CACUL1: variants seen among roughly 807,000 people sequenced by gnomAD.
The protein encoded by CACUL1 is CDK2-associated and cullin domain-containing protein 1.
CACUL1 carries 13 observed loss-of-function variants against 45.2 expected under a neutral mutation model. That is an observed-to-expected ratio of 0.29 (90% CI 0.19 to 0.46). The LOEUF is 0.46. CACUL1 is among the 20% of genes least tolerant of loss of function. The probability of loss-of-function intolerance (pLI) is 1.00; values close to 1 mark genes in which losing one functional copy is unlikely to be tolerated. For synonymous variants in CACUL1, 197 were observed against 174.2 expected, an observed-to-expected ratio of 1.13 and a Z score of -1.03; for missense variants, 421 against 471.4, an observed-to-expected ratio of 0.89 and a Z score of 0.99.
rs1032121712 is a variant in CACUL1 at position 118,718,668 on chromosome 10, C to T, written c.597+10627G>A. Reference sequence around the variant, plus strand: ...TCGGCTCACTGCAAGCTCCACCTCCCGGGTTCACGACTTTCTCCTGCCTCA... The same window carrying T: ...TCGGCTCACTGCAAGCTCCACCTCCTGGGTTCACGACTTTCTCCTGCCTCA... On this transcript the variant is annotated intron_variant, in intron 3 of 8. Coordinates refer to ENST00000369151, the MANE Select transcript of CACUL1 (RefSeq NM_153810.5). 1.3e-4 allele frequency among the ~76,000 whole-genome samples: 20 copies of T among 152,168 alleles called. 1 individual carries two copies. Among genetic ancestry groups the T allele is most frequent in the Admixed American group, 4.6e-4 (7 of 15,280 alleles).
At chr10:118,747,976 T>C (rs1482081178) in intron 1 of CACUL1, among the ~76,000 whole-genome samples, 1 of 151,996 alleles carries the variant, frequency 6.6e-6, no homozygotes, top group East Asian at 1.9e-4. Context: ...TCCCAGCTGC[T>C]CGGGAGGCTG....
intron 3 of CACUL1, among the ~76,000 whole-genome samples, chr10:118,722,603 C>A (rs1433306537): frequency 6.6e-6 from 1 of 152,144 alleles, no homozygotes; most frequent in Non-Finnish European, 1.5e-5. Flanking sequence ...TCAAACAACC[C>A]TTACTTTACT....
At chr10:118,696,222 C>A (rs1845320729) in intron 5 of CACUL1, among the ~76,000 whole-genome samples, 1 of 152,130 alleles carries the variant, frequency 6.6e-6, no homozygotes, top group Non-Finnish European at 1.5e-5. Context: ...ATGGCACAGA[C>A]CACCAGGGGT....
At chr10:118,730,663 C>T (rs1564836765) in intron 1 of CACUL1, among the ~76,000 whole-genome samples, 2 of 152,180 alleles carry the variant, frequency 1.3e-5, no homozygotes, top group South Asian at 2.1e-4. Context: ...ACCAAACAAG[C>T]AATCATCACT....
chr10:118,691,226 G>A (rs1845262306), intron 7 of CACUL1, 39 bp downstream of exon 7: 1 of 1,577,198 alleles, frequency 6.3e-7, no homozygotes, highest in African/African-American at 1.4e-5. Flanking sequence ...CTAGGGAAAT[G>A]GACATATTTG....
chr10:118,724,781 T>C (rs556760684), intron 3 of CACUL1, among the ~76,000 whole-genome samples: 3 of 152,238 alleles, frequency 2.0e-5, no homozygotes, highest in African/African-American at 7.2e-5. Context: ...TAGTATTCCA[T>C]CCACCTTAAC....
Position 118,729,948 on chromosome 10 carries a change from G to A in CACUL1, c.494+336C>T, listed in dbSNP as rs139629940. ...AATAACCAAAGAGAGTTAGAATTGT[G>A]TGTCAATAAACACCAACAGATTAAG... On this transcript the variant is annotated intron_variant, in intron 2 of 8. Coordinates refer to ENST00000369151, the MANE Select transcript of CACUL1 (RefSeq NM_153810.5). Among the ~76,000 whole-genome samples the A allele has an allele frequency of 1.4e-3, 207 of 152,274 alleles. 1 individual carries two copies. In the South Asian group the frequency reaches 0.015, roughly 11 times the overall value.
intron 1 of CACUL1, among the ~76,000 whole-genome samples, chr10:118,750,274 T>C (rs1158068730): frequency 1.3e-5 from 2 of 151,346 alleles, no homozygotes; most frequent in Non-Finnish European, 2.9e-5. Context: ...TGCAGTGAGC[T>C]AAGACTGCAC....
chr10:118,711,941 C>T (rs969207438), intron 3 of CACUL1, among the ~76,000 whole-genome samples: 4 of 152,262 alleles, frequency 2.6e-5, no homozygotes, highest in Admixed American at 2.6e-4. Context: ...ATTGTTTCTC[C>T]TTAAAATTTA....
intron 3 of CACUL1, among the ~76,000 whole-genome samples, chr10:118,718,242 T>C (rs1387037761): frequency 1.3e-5 from 2 of 152,098 alleles, no homozygotes; most frequent in Admixed American, 1.3e-4. Context: ...AATATACTGC[T>C]GCTGATGGAA....
intron 1 of CACUL1, among the ~76,000 whole-genome samples, chr10:118,734,939 A>G (rs916486140): frequency 1.3e-5 from 2 of 152,260 alleles, no homozygotes; most frequent in African/African-American, 4.8e-5. Flanking sequence ...TATAATTCAT[A>G]CCAGGCAAGA....
At chr10:118,752,972 G>A (rs865811322) in intron 1 of CACUL1, among the ~76,000 whole-genome samples, 2 of 151,876 alleles carry the variant, frequency 1.3e-5, no homozygotes, top group Non-Finnish European at 2.9e-5. Context: ...AGGTCTGTCT[G>A]CCTAGCTTAC....
rs547969029 is a variant in CACUL1, at chr10:118,731,247, A to G, written c.368-837T>C. On this transcript the variant is annotated intron_variant, in intron 1 of 8. Coordinates refer to ENST00000369151, the MANE Select transcript of CACUL1 (RefSeq NM_153810.5). ...CACAGTTACCTCAGGAGTAACAACA[A>G]CGAGACCAGGTATTTCACTGTTTAT... Among the ~76,000 whole-genome samples, 42 of 152,318 alleles carry G rather than the reference A, an allele frequency of 2.8e-4. 2 individuals carry two copies. In the South Asian group the frequency reaches 6.0e-3, roughly 22 times the overall value.
intron 3 of CACUL1, among the ~76,000 whole-genome samples, chr10:118,725,024 ATAT>A (rs999862860): frequency 6.8e-4 from 104 of 152,312 alleles, no homozygotes; most frequent in African/African-American, 2.4e-3. Context: ...ACTATTCAGA[ATAT>A]TATTTACTGA....
chr10:118,713,335 C>G (rs1378766000), intron 3 of CACUL1, among the ~76,000 whole-genome samples: 2 of 152,206 alleles, frequency 1.3e-5, no homozygotes, highest in Admixed American at 1.3e-4. Flanking sequence ...TGCAGGGATG[C>G]CTGAGTCCAC....
At chr10:118,743,009 T>C (rs1196625635) in intron 1 of CACUL1, among the ~76,000 whole-genome samples, 1 of 152,184 alleles carries the variant, frequency 6.6e-6, no homozygotes, top group African/African-American at 2.4e-5. Context: ...AGAAACTGGA[T>C]ACAGTTCTAA....
chr10:118,738,706 G>A (rs1298612788), intron 1 of CACUL1, among the ~76,000 whole-genome samples: 3 of 151,754 alleles, frequency 2.0e-5, no homozygotes, highest in African/African-American at 7.3e-5. Flanking sequence ...AATATGGATA[G>A]ACAACTAAGA....
At chr10:118,750,162 C>T (rs1298041889) in intron 1 of CACUL1, among the ~76,000 whole-genome samples, 1 of 151,982 alleles carries the variant, frequency 6.6e-6, no homozygotes, top group East Asian at 1.9e-4. Flanking sequence ...CACATCTCTA[C>T]TAAAAATACA....
intron 5 of CACUL1, among the ~76,000 whole-genome samples, chr10:118,695,948 A>C (rs1845317931): frequency 2.0e-5 from 3 of 152,200 alleles, no homozygotes; most frequent in Admixed American, 2.0e-4. Context: ...AATTTATCTC[A>C]AAGAGCTGCA....
Sources: allele counts gnomAD v4.1 joint callset (sites outside exome capture counted in the v4.1 genomes callset), GRCh38; gene constraint gnomAD v4.1.1; transcripts MANE v1.5; gene names NCBI Gene and HGNC (gene_info 2026-07-23, HGNC 2026-07-21).